TBC1D22A: variants seen among roughly 807,000 people sequenced by gnomAD.
The protein encoded by TBC1D22A is TBC1 domain family member 22A.
A neutral mutation model predicts 60.2 loss-of-function variants in TBC1D22A; 38 were observed. The ratio of observed to expected loss-of-function variants is 0.63; its 90% CI spans 0.49 to 0.83. The LOEUF (loss-of-function observed/expected upper bound fraction) is 0.83. TBC1D22A is among the 40% of genes least tolerant of loss of function. The probability of loss-of-function intolerance (pLI) is 0.00; values close to 1 mark genes in which losing one functional copy is unlikely to be tolerated. For missense variants in TBC1D22A, 628 were observed against 701.0 expected, an observed-to-expected ratio of 0.90 and a Z score of 1.18; for synonymous variants, 302 against 281.7, an observed-to-expected ratio of 1.07 and a Z score of -0.72.
chr22:46,896,362 AGTGTGGTTGAACTT>A (rs1174501217), intron 7 of TBC1D22A, among the ~76,000 whole-genome samples: 9 of 151,886 alleles, frequency 5.9e-5, no homozygotes, highest in Non-Finnish European at 1.3e-4. Context: ...TGTTAGCTCT[AGTGTGGTTGAACTT>A]AACAGTCTTT....
At chr22:46,788,783 C>A (rs1299069938) in intron 1 of TBC1D22A, among the ~76,000 whole-genome samples, 1 of 152,212 alleles carries the variant, frequency 6.6e-6, no homozygotes, top group Non-Finnish European at 1.5e-5. Flanking sequence ...CTTCTGAAAT[C>A]ATATATTTCT....
chr22:47,171,019 C>T (rs1045519525), intron 12 of TBC1D22A, among the ~76,000 whole-genome samples: 5 of 152,182 alleles, frequency 3.3e-5, no homozygotes, highest in African/African-American at 1.2e-4. Flanking sequence ...CAGCCTCCGG[C>T]ACAGCCAGGA....
At chr22:47,125,671 A>C (rs2066426779) in intron 12 of TBC1D22A, among the ~76,000 whole-genome samples, 1 of 152,218 alleles carries the variant, frequency 6.6e-6, no homozygotes, top group African/African-American at 2.4e-5. Flanking sequence ...GTCTAAAACA[A>C]GTAATGAGAT....
intron 9 of TBC1D22A, among the ~76,000 whole-genome samples, chr22:46,985,018 G>C (rs567717104): frequency 6.9e-4 from 102 of 148,388 alleles, no homozygotes; most frequent in African/African-American, 2.4e-3. Context: ...AGGCAGTTGA[G>C]GGGGGAGCCT....
intron 4 of TBC1D22A, among the ~76,000 whole-genome samples, chr22:46,832,465 A>G (rs1385761504): frequency 2.0e-5 from 3 of 152,218 alleles, no homozygotes; most frequent in Non-Finnish European, 4.4e-5. Context: ...CCTGGCCAAC[A>G]TGGTGAAACC....
At chr22:47,117,330 A>G in intron 12 of TBC1D22A, 1 of 157,066 alleles carries the variant, frequency 6.4e-6, no homozygotes. Flanking sequence ...AGGGAGAGTC[A>G]CCCCACACCG....
At chr22:46,997,807 C>G (rs1290251521) in intron 10 of TBC1D22A, 98 bp downstream of exon 10, 2 of 1,105,538 alleles carry the variant, frequency 1.8e-6, no homozygotes, top group East Asian at 2.4e-5. Flanking sequence ...CCGGCAGCAT[C>G]CTGGCCTGCT....
intron 2 of TBC1D22A, chr22:46,792,894 C>T (rs1040919887): frequency 7.1e-7 from 1 of 1,412,902 alleles, no homozygotes; most frequent in African/African-American, 1.4e-5. Flanking sequence ...TGTCCTTTCC[C>T]CTCCTCCTTC....
At chr22:47,087,462 T>G (rs1432119859) in intron 11 of TBC1D22A, among the ~76,000 whole-genome samples, 6 of 152,238 alleles carry the variant, frequency 3.9e-5, no homozygotes, top group Non-Finnish European at 7.3e-5. Context: ...GTCGGTACTT[T>G]AATCACACAG....
intron 2 of TBC1D22A, 97 bp downstream of exon 2, chr22:46,792,673 C>G: frequency 6.2e-7 from 1 of 1,610,180 alleles, no homozygotes; most frequent in Non-Finnish European, 8.5e-7. Flanking sequence ...CCCAGGCATT[C>G]CTCAGGGAGG....
intron 12 of TBC1D22A, among the ~76,000 whole-genome samples, chr22:47,119,417 C>T (rs1480886205): frequency 1.3e-5 from 2 of 152,184 alleles, no homozygotes; most frequent in Non-Finnish European, 2.9e-5. Context: ...CAGGATCCCA[C>T]ATCTGCCAGT....
intron 3 of TBC1D22A, 37 bp from the exon 4 acceptor site, chr22:46,797,407 C>T (rs746714503): frequency 3.1e-6 from 5 of 1,605,914 alleles, no homozygotes; most frequent in East Asian, 2.2e-5. Flanking sequence ...TCGGGAGGAG[C>T]GCCCTCACCC....
intron 4 of TBC1D22A, among the ~76,000 whole-genome samples, chr22:46,826,087 T>C (rs1038117640): frequency 5.3e-5 from 8 of 152,114 alleles, no homozygotes; most frequent in Non-Finnish European, 1.0e-4. Flanking sequence ...TTCACCGTGT[T>C]AGCCATGATG....
chr22:46,944,588 T>G (rs111964901), intron 8 of TBC1D22A, among the ~76,000 whole-genome samples: 6 of 152,182 alleles, frequency 3.9e-5, no homozygotes, highest in African/African-American at 7.2e-5. Context: ...TTAGTAGAGA[T>G]GGGGTTTCAC....
intron 11 of TBC1D22A, among the ~76,000 whole-genome samples, chr22:47,104,427 G>A (rs891205453): frequency 1.1e-4 from 16 of 152,190 alleles, no homozygotes; most frequent in African/African-American, 3.9e-4. Flanking sequence ...AGGCATGGTG[G>A]CCCACACTTG....
chr22:46,812,509 C>G (rs1050244553), intron 4 of TBC1D22A, among the ~76,000 whole-genome samples: 5 of 152,212 alleles, frequency 3.3e-5, no homozygotes, highest in African/African-American at 1.2e-4. Flanking sequence ...TGCCTGGCCT[C>G]ACAGCCTCGT....
chr22:46,951,962 T>C (rs1293538280), intron 8 of TBC1D22A, among the ~76,000 whole-genome samples: 1 of 152,204 alleles, frequency 6.6e-6, no homozygotes, highest in Admixed American at 6.5e-5. Context: ...GTTGGACCAA[T>C]GATCACATTA....
chr22:46,935,137 G>A (rs1402578084), intron 8 of TBC1D22A, among the ~76,000 whole-genome samples: 1 of 152,104 alleles, frequency 6.6e-6, no homozygotes, highest in Non-Finnish European at 1.5e-5. Flanking sequence ...AGCAATGAAG[G>A]CATCAGTAGG....
chr22:47,139,899 A>G (rs1276735659), intron 12 of TBC1D22A, among the ~76,000 whole-genome samples: 1 of 152,256 alleles, frequency 6.6e-6, no homozygotes, highest in Non-Finnish European at 1.5e-5. Context: ...TGCGAAGTCC[A>G]CATCATGTGA....
Sources: gnomAD v4.1 joint callset for allele counts (sites outside exome capture counted in the v4.1 genomes callset) on GRCh38, gnomAD v4.1.1 for gene constraint, MANE v1.5 for transcripts, NCBI Gene and HGNC (gene_info 2026-07-23, HGNC 2026-07-21) for gene names.